The following RAB37 variants were observed in gnomAD, a reference collection of about 807,000 sequenced individuals.
RAB37 encodes RAB37, member RAS oncogene family, also known as ras-related protein Rab-37.
A neutral mutation model predicts 33.1 loss-of-function variants in RAB37; 29 were observed. That is an observed-to-expected ratio of 0.88 (90% CI 0.65 to 1.20). The LOEUF is 1.20. RAB37 is among the 50% of genes most tolerant of loss of function. RAB37 has a pLI of 0.00. For missense variants in RAB37, 299 were observed against 301.1 expected (o/e 0.99, Z 0.05); for synonymous variants, 128 against 119.5 (o/e 1.07, Z -0.47).
chr17:74,726,688 G>A (rs181678974), intron 1 of RAB37, among the ~76,000 whole-genome samples: 45 of 152,356 alleles, frequency 3.0e-4, no homozygotes, highest in African/African-American at 1.0e-3. Context: ...CAAAGTCAAT[G>A]CCATGGACAA....
At chr17:74,718,428 A>G (rs908422027) in intron 1 of RAB37, among the ~76,000 whole-genome samples, 4 of 152,140 alleles carry the variant, frequency 2.6e-5, no homozygotes, top group African/African-American at 9.7e-5. Flanking sequence ...AGAAAAAAAA[A>G]GGGCTCTTTG....
chr17:74,696,106 T>A, intron 1 of RAB37: 1 of 1,496,462 alleles, frequency 6.7e-7, no homozygotes, highest in Non-Finnish European at 9.0e-7. Context: ...AGGACTTCTC[T>A]GATATTTTGG....
intron 1 of RAB37, chr17:74,712,907 G>C (rs1567803431): frequency 6.2e-7 from 1 of 1,607,768 alleles, no homozygotes; most frequent in East Asian, 2.2e-5. Flanking sequence ...AGTGGAGCCT[G>C]GCAGCAGGAA....
At chr17:74,721,725 G>C (rs1016984590) in intron 1 of RAB37, among the ~76,000 whole-genome samples, 1 of 152,070 alleles carries the variant, frequency 6.6e-6, no homozygotes, top group Non-Finnish European at 1.5e-5. Context: ...CACCACGCCT[G>C]GTCCTCTTGG....
chr17:74,671,681 A>C lies in RAB37; in HGVS notation c.72+23A>C, dbSNP rs766937423. Reference sequence around the variant, plus strand: ...AAGGTAAACATCTCCTGTATTCCTCAACCTAACGTTGGAAGAGGCGCCAGC... The same window carrying C: ...AAGGTAAACATCTCCTGTATTCCTCCACCTAACGTTGGAAGAGGCGCCAGC... On this transcript the variant is annotated intron_variant, in intron 1 of 7. Transcript: ENST00000340415. The surrounding 1 kb of genome is among the most constrained non-coding windows in gnomAD (Gnocchi z 5.0). The C allele has an allele frequency of 3.1e-6, 5 of 1,611,108 alleles. No homozygotes were observed. The African/African-American group carries it at 6.7e-5, about 22-fold the overall frequency.
intron 1 of RAB37, among the ~76,000 whole-genome samples, chr17:74,702,657 A>G (rs2033159542): frequency 6.6e-6 from 1 of 151,950 alleles, no homozygotes; most frequent in African/African-American, 2.4e-5. Context: ...CCACGCCCAC[A>G]CTCACATGAG....
rs200801978 is a variant in RAB37 at position 74,743,350 on chromosome 17, C to T, written c.366+10C>T. ...TTTCGACAACATCAGGGTAGGTCCT[C>T]CCTTCCCCTGACTCCCACCCATAAG... On this transcript the variant is annotated intron_variant, in intron 5 of 8. Coordinates refer to ENST00000392613, the MANE Select transcript of RAB37 (RefSeq NM_001006638.3). 2.6e-5 allele frequency: 42 copies of T among 1,613,682 alleles called. No homozygotes were observed. Among genetic ancestry groups the T allele is most frequent in the Non-Finnish European group, 3.6e-5 (42 of 1,179,708 alleles).
intron 2 of RAB37, among the ~76,000 whole-genome samples, chr17:74,741,274 C>G (rs1261166454): frequency 1.3e-5 from 2 of 152,110 alleles, no homozygotes; most frequent in Non-Finnish European, 2.9e-5. Flanking sequence ...CCAGAAAGCA[C>G]AGCCCTGCAC....
rs1184128995 is a variant in RAB37, at chr17:74,718,332, A to ATCATG, written c.73-10920_73-10919insGTCAT. Among the ~76,000 whole-genome samples, 290 of 151,176 alleles carry ATCATG rather than the reference A, an allele frequency of 1.9e-3. 1 individual carries two copies. The highest frequency in any genetic ancestry group is 6.7e-3 in the African/African-American group (275 of 40,966). On this transcript the variant is annotated intron_variant, in intron 1 of 7. Coordinates refer to the RAB37 transcript ENST00000340415. The stretch of plus-strand genomic sequence containing the variant: ...CATATCATACATCATATCATATCAT[A>ATCATG]TCATATCATATCATATCATATCATA...
chr17:74,696,196 T>C, intron 1 of RAB37: 1 of 1,605,560 alleles, frequency 6.2e-7, no homozygotes, highest in Non-Finnish European at 8.5e-7. Context: ...CTATCTTACC[T>C]GCTCTGGGGA....
At chr17:74,683,792 C>A (rs528849885) in intron 1 of RAB37, among the ~76,000 whole-genome samples, 10 of 152,264 alleles carry the variant, frequency 6.6e-5, no homozygotes, top group African/African-American at 2.2e-4. Context: ...GAAGAGTCAT[C>A]TTATGCTTTG....
intron 1 of RAB37, chr17:74,672,932 G>A (rs1177928562): frequency 1.3e-5 from 2 of 152,188 alleles, no homozygotes; most frequent in African/African-American, 2.4e-5. Context: ...AAGGAAGCAG[G>A]TCTCTAGATC....
rs145605449 is a variant in RAB37 at position 74,738,320 on chromosome 17, C to T, written c.93+955C>T. On this transcript the variant is annotated intron_variant, in intron 1 of 8. Coordinates refer to ENST00000392613, the MANE Select transcript of RAB37 (RefSeq NM_001006638.3). This position sits in a 1 kb window ranked among gnomAD's most constrained non-coding sequence, Gnocchi z 5.0. Reference sequence around the variant, plus strand: ...AGCCTCAGCCTCCACCCCAGTGTTTCGGGGGAAGCCACCCTGCAAGTCATC... The same window carrying T: ...AGCCTCAGCCTCCACCCCAGTGTTTTGGGGGAAGCCACCCTGCAAGTCATC... Among the ~76,000 whole-genome samples the T allele has an allele frequency of 1.3e-5, 2 of 152,268 alleles. No individual in the cohort carries two copies. The highest frequency in any genetic ancestry group is 2.1e-4 in the South Asian group (1 of 4,818).
At chr17:74,697,747 C>G (rs889252547) in intron 1 of RAB37, among the ~76,000 whole-genome samples, 1 of 152,144 alleles carries the variant, frequency 6.6e-6, no homozygotes, top group Non-Finnish European at 1.5e-5. Context: ...CCCTGAAGAG[C>G]TAGTTCACAA....
chr17:74,727,966 T>A (rs914436316), intron 1 of RAB37, among the ~76,000 whole-genome samples: 1 of 152,126 alleles, frequency 6.6e-6, no homozygotes, highest in Non-Finnish European at 1.5e-5. Flanking sequence ...TGTCGGTGCC[T>A]GTGTATATGT....
chr17:74,736,952 C>G (rs2034485373), upstream of RAB37: 1 of 1,527,260 alleles, frequency 6.5e-7, no homozygotes, highest in Non-Finnish European at 8.8e-7. Context: ...ACGGGGTCCC[C>G]GCGGCCCGCT....
upstream of RAB37, among the ~76,000 whole-genome samples, chr17:74,732,720 G>T (rs894378722): frequency 1.4e-5 from 2 of 139,826 alleles, no homozygotes; most frequent in African/African-American, 5.3e-5. Flanking sequence ...GTGGTGTGAC[G>T]TGTGTGGTGT....
chr17:74,708,062 C>T (rs555023540), intron 1 of RAB37, among the ~76,000 whole-genome samples: 8 of 150,644 alleles, frequency 5.3e-5, no homozygotes, highest in East Asian at 1.9e-4. Flanking sequence ...ACAGGAGAAT[C>T]GCTTGAACCC....
At chr17:74,740,249 C>A (rs971252846) in intron 1 of RAB37, among the ~76,000 whole-genome samples, 2 of 151,812 alleles carry the variant, frequency 1.3e-5, no homozygotes, top group African/African-American at 4.8e-5. Context: ...ATAGAGTATG[C>A]AAATGACCAT....
Sources: allele counts gnomAD v4.1 joint callset (sites outside exome capture counted in the v4.1 genomes callset), GRCh38; gene constraint gnomAD v4.1.1; non-coding constraint Gnocchi (gnomAD v3.1); transcripts MANE v1.5; gene names NCBI Gene and HGNC (gene_info 2026-07-23, HGNC 2026-07-21).